TTC6: variants seen among roughly 807,000 people sequenced by gnomAD.
TTC6 encodes tetratricopeptide repeat protein 6.
In TTC6, 172 loss-of-function variants were observed where a neutral mutation model predicts 210.4. That is an observed-to-expected ratio of 0.82 (90% CI 0.72 to 0.93). TTC6 has a LOEUF of 0.93. Among genes scored for constraint, TTC6 ranks in the 40% least tolerant of loss-of-function variants. The pLI is 0.00. For missense variants in TTC6, 2,414 were observed against 2,318.1 expected (o/e 1.04, Z -0.85); for synonymous variants, 804 against 819.6 (o/e 0.98, Z 0.32).
At chr14:37,697,486 C>T (rs552473713) in intron 4 of TTC6, among the ~76,000 whole-genome samples, 8 of 152,076 alleles carry the variant, frequency 5.3e-5, no homozygotes, top group African/African-American at 1.2e-4. Context: ...CTTCATTTAA[C>T]TCTTAATGGG....
intron 1 of TTC6, among the ~76,000 whole-genome samples, chr14:37,597,855 C>G (rs929015422): frequency 9.2e-5 from 14 of 152,112 alleles, no homozygotes; most frequent in African/African-American, 3.4e-4. Flanking sequence ...GAGCCGAGGC[C>G]AAGATGGAAG....
chr14:37,715,308 A>C (rs982076690), intron 6 of TTC6, among the ~76,000 whole-genome samples: 1 of 152,188 alleles, frequency 6.6e-6, no homozygotes, highest in Admixed American at 6.5e-5. Context: ...AAAGATGGGG[A>C]GAGACTGAAA....
intron 7 of TTC6, among the ~76,000 whole-genome samples, chr14:37,727,289 T>TG: frequency 7.5e-6 from 1 of 133,320 alleles, no homozygotes; most frequent in African/African-American, 2.6e-5. Context: ...GGTATTTTTC[T>TG]AATTTTTTTT....
intron 1 of TTC6, among the ~76,000 whole-genome samples, chr14:37,604,584 G>A (rs1369362678): frequency 6.6e-6 from 1 of 152,096 alleles, no homozygotes; most frequent in East Asian, 1.9e-4. Context: ...GTCTGGGCAT[G>A]CCTCTCTCAG....
At chr14:37,666,777 G>A (rs1236763244) in intron 1 of TTC6, among the ~76,000 whole-genome samples, 1 of 150,260 alleles carries the variant, frequency 6.7e-6, no homozygotes, top group East Asian at 1.9e-4. Flanking sequence ...TCCTGGTAAG[G>A]TCCACAGCAA....
At chr14:37,631,109 C>T (rs892416809) in intron 1 of TTC6, among the ~76,000 whole-genome samples, 7 of 151,628 alleles carry the variant, frequency 4.6e-5, no homozygotes, top group Non-Finnish European at 8.8e-5. Context: ...AGCCCATTTA[C>T]ATTTAAGGTT....
chr14:37,641,937 A>G (rs1364869626), intron 1 of TTC6, among the ~76,000 whole-genome samples: 1 of 152,204 alleles, frequency 6.6e-6, no homozygotes, highest in African/African-American at 2.4e-5. Flanking sequence ...GACTGGAACT[A>G]TTTAGTTCTT....
chr14:37,642,146 C>T (rs2095693049), intron 1 of TTC6, among the ~76,000 whole-genome samples: 1 of 152,176 alleles, frequency 6.6e-6, no homozygotes, highest in South Asian at 2.1e-4. Flanking sequence ...GGTGGGAGGA[C>T]CATTACACTT....
intron 7 of TTC6, among the ~76,000 whole-genome samples, chr14:37,727,849 C>T (rs35779044): frequency 0.23 from 34,555 of 151,862 alleles, 4,248 homozygotes; most frequent in South Asian, 0.3. Context: ...TCCTTATTAG[C>T]GTAAAAATAT....
At chr14:37,638,688 G>A (rs1054171460) in intron 1 of TTC6, among the ~76,000 whole-genome samples, 1 of 152,132 alleles carries the variant, frequency 6.6e-6, no homozygotes, top group Non-Finnish European at 1.5e-5. Context: ...TATCTTGACT[G>A]TATCACTGTT....
At chr14:37,678,456 A>G (rs963583838) in intron 1 of TTC6, among the ~76,000 whole-genome samples, 2 of 152,132 alleles carry the variant, frequency 1.3e-5, no homozygotes, top group Non-Finnish European at 2.9e-5. Flanking sequence ...ACTTTCAGCC[A>G]AAGCCTCAAG....
At position 37,818,249 on chromosome 14, in the gene TTC6, TA is replaced by T. The variant is rs1447865490; in HGVS notation, c.4763+602del. 1.6e-4 allele frequency among the ~76,000 whole-genome samples: 24 copies of T among 152,238 alleles called. No individual in the cohort carries two copies. The East Asian group carries it at 4.6e-3, about 29-fold the overall frequency. On this transcript the variant is annotated intron_variant, in intron 26 of 30. Transcript: ENST00000553443. ...AGAGATGAAAACACTTACATAAGGT[TA>T]AAATATAGAAGATAATCAGCTTAAA...
At chr14:37,807,589 T>C (rs963865662) in intron 23 of TTC6, 129 bp downstream of exon 25, 12 of 650,416 alleles carry the variant, frequency 1.8e-5, no homozygotes, top group Non-Finnish European at 2.5e-5. Flanking sequence ...CAGAACTACA[T>C]AGAAAACTTT....
chr14:37,691,944 TC>T (rs2095804284), intron 3 of TTC6, among the ~76,000 whole-genome samples: 1 of 151,402 alleles, frequency 6.6e-6, no homozygotes, highest in African/African-American at 2.4e-5. Context: ...AATGGACAGA[TC>T]CCTAGACACA....
chr14:37,824,022 T>C (rs1000902539), intron 27 of TTC6, 65 bp downstream of exon 29: 2 of 1,403,806 alleles, frequency 1.4e-6, no homozygotes, highest in East Asian at 4.6e-5. Flanking sequence ...TTTGGCTCTT[T>C]CCTGGCAATG....
chr14:37,685,353 G>A (rs1314463294), intron 3 of TTC6, among the ~76,000 whole-genome samples: 1 of 152,130 alleles, frequency 6.6e-6, no homozygotes, highest in Non-Finnish European at 1.5e-5. Flanking sequence ...AAGGTGGCAT[G>A]TTGCTATGAA....
intron 1 of TTC6, among the ~76,000 whole-genome samples, chr14:37,639,365 A>G (rs2095687182): frequency 6.6e-6 from 1 of 152,150 alleles, no homozygotes; most frequent in South Asian, 2.1e-4. Flanking sequence ...CTTTTATTAC[A>G]CTTTTCTCTT....
intron 14 of TTC6, among the ~76,000 whole-genome samples, chr14:37,782,715 AG>A (rs1363518310): frequency 2.0e-5 from 3 of 152,178 alleles, no homozygotes; most frequent in African/African-American, 7.2e-5. Context: ...CAGTTTTCAA[AG>A]GGAATGTTTC....
chr14:37,668,719 GT>G (rs2095752876), intron 1 of TTC6, among the ~76,000 whole-genome samples: 1 of 152,138 alleles, frequency 6.6e-6, no homozygotes, highest in Non-Finnish European at 1.5e-5. Flanking sequence ...ATGGCAAAAG[GT>G]GTGGACAGAG....
Sources: gnomAD v4.1 joint callset for allele counts (sites outside exome capture counted in the v4.1 genomes callset) on GRCh38, gnomAD v4.1.1 for gene constraint, MANE v1.5 for transcripts, NCBI Gene and HGNC (gene_info 2026-07-23, HGNC 2026-07-21) for gene names.